MAST4: variants seen among roughly 807,000 people sequenced by gnomAD.
MAST4 encodes the protein microtubule-associated serine/threonine-protein kinase 4.
MAST4 carries 89 observed loss-of-function variants against 162.7 expected under a neutral mutation model. The ratio of observed to expected loss-of-function variants is 0.55; its 90% confidence interval spans 0.46 to 0.65. The LOEUF is 0.65. MAST4 is among the 30% of genes least tolerant of loss of function. The pLI is 0.00. For synonymous variants in MAST4, 1,479 were observed against 1,361.1 expected (o/e 1.09, Z -1.91); for missense variants, 3,153 against 3,374.0 (o/e 0.93, Z 1.62).
At chr5:66,648,358 C>A (rs1436689347) in intron 1 of MAST4, among the ~76,000 whole-genome samples, 2 of 151,996 alleles carry the variant, frequency 1.3e-5, no homozygotes, top group African/African-American at 4.8e-5. Context: ...ATCAAGTGAA[C>A]AGGATGCTCA....
chr5:66,712,015 T>G (rs968137642), intron 1 of MAST4, among the ~76,000 whole-genome samples: 1 of 152,224 alleles, frequency 6.6e-6, no homozygotes, highest in African/African-American at 2.4e-5. Context: ...TTTTTCAGAT[T>G]GCCATACCTG....
chr5:66,924,497 C>T (rs1472814119), intron 4 of MAST4, among the ~76,000 whole-genome samples: 3 of 151,950 alleles, frequency 2.0e-5, no homozygotes, highest in African/African-American at 2.4e-5. Flanking sequence ...AGGTTCACGC[C>T]GTTCTCCTGC....
chr5:67,162,690 C>T lies in MAST4; in HGVS notation c.3869C>T (p.Ser1290Phe), dbSNP rs1223792183. 4 of 1,613,930 alleles carry T rather than the reference C, an allele frequency of 2.5e-6. No individual in the cohort carries two copies. Among genetic ancestry groups the T allele is most frequent in the Non-Finnish European group, 3.4e-6 (4 of 1,179,890 alleles). Reference sequence around the variant, plus strand: ...CGAAGTTTCTCCTGCTTGAACAGATCCCTGTCATCGGGTGAGAGCCTCCCA... The same window carrying T: ...CGAAGTTTCTCCTGCTTGAACAGATTCCTGTCATCGGGTGAGAGCCTCCCA... ...TSRSFSCLNR[S>F]LSSGESLPGS... The change falls in exon 28 of 29, where the codon TCC becomes TTC. Residue 1290 changes from serine (S) to phenylalanine (F), a missense_variant. This residue lies in a region of MAST4 where 619 missense variants were observed against 744.2 expected (regional missense o/e 0.83). Transcript: ENST00000403625.
At chr5:66,793,000 G>A (rs748206227) in intron 3 of MAST4, among the ~76,000 whole-genome samples, 5 of 152,134 alleles carry the variant, frequency 3.3e-5, no homozygotes, top group South Asian at 4.1e-4. Context: ...GGCCCTCAAC[G>A]TGAGAGGTAT....
chr5:67,138,677 A>T (rs1457521466), intron 19 of MAST4, among the ~76,000 whole-genome samples: 2 of 151,940 alleles, frequency 1.3e-5, no homozygotes, highest in African/African-American at 4.8e-5. Context: ...CAAGTGATCC[A>T]CCCACCTCGG....
chr5:66,736,125 T>TA (rs918727440), intron 1 of MAST4, among the ~76,000 whole-genome samples: 1 of 152,208 alleles, frequency 6.6e-6, no homozygotes, highest in African/African-American at 2.4e-5. Context: ...TTGTTTGTTT[T>TA]AACCTTACTT....
intron 3 of MAST4, among the ~76,000 whole-genome samples, chr5:66,866,039 C>T (rs1406963252): frequency 1.4e-5 from 2 of 142,586 alleles, no homozygotes; most frequent in African/African-American, 2.6e-5. Flanking sequence ...CGCACCACCA[C>T]ACTCCAGCCT....
chr5:67,165,981 G>A lies in MAST4; in HGVS notation c.6802G>A (p.Glu2268Lys), dbSNP rs779155436. 5.6e-6 allele frequency: 9 copies of A among 1,613,444 alleles called. No individual in the cohort carries two copies. The highest frequency in any genetic ancestry group is 7.6e-6 in the Non-Finnish European group (9 of 1,179,846). ...AGCCAGCGATGGGATTGGCCAGGGAGAAGGTGGGCCCTCTGTCCCACTGCA... is the reference window on the plus strand; with the variant it reads ...AGCCAGCGATGGGATTGGCCAGGGAAAAGGTGGGCCCTCTGTCCCACTGCA... The part of the protein sequence containing the change: ...NKASDGIGQG[E>K]GGPSVPLHTD... The change falls in exon 29 of 29, where the codon GAA (glutamate) becomes AAA (lysine). Residue 2268 changes from glutamate (E) to lysine (K), a missense_variant. Around this residue, in one of 7 missense-constraint regions of MAST4, gnomAD observed 1,644 missense variants for 1,495.0 expected, o/e 1.10. Coordinates refer to ENST00000403625, the MANE Select transcript of MAST4 (RefSeq NM_001164664.2).
intron 6 of MAST4, among the ~76,000 whole-genome samples, chr5:67,090,455 C>G (rs1267541241): frequency 9.4e-6 from 1 of 105,976 alleles, no homozygotes; most frequent in African/African-American, 4.0e-5. Context: ...CGCTTCTCCC[C>G]CTCCCCGCTT....
Position 67,165,154 on chromosome 5 carries a change from C to T in MAST4, c.5975C>T (p.Thr1992Ile). 6.3e-7 allele frequency: 1 copy of T among 1,597,576 alleles called. No homozygotes were observed. Among genetic ancestry groups the T allele is most frequent in the East Asian group, 2.3e-5 (1 of 44,152 alleles). ...GAGCGCTCTGCTGCGAGGGCTGACA[C>T]ATGCAGAGAGCCCTCCATGGAACTG... ...RSERSAARAD[T>I]CREPSMELCF... The change falls in exon 29 of 29, where the codon ACA becomes ATA. Residue 1992 changes from threonine (T) to isoleucine (I), a missense_variant. Around this residue, in one of 7 missense-constraint regions of MAST4, gnomAD observed 1,644 missense variants for 1,495.0 expected, o/e 1.10. Transcript: ENST00000403625.
chr5:67,168,351 C>T lies in MAST4; in HGVS notation c.*1300C>T, dbSNP rs907656067. ...GTATGCAAAAAATACTGTCTTAATA[C>T]AGAGCAGCATTTTTGTAACAAAGAG... On this transcript the variant is annotated 3_prime_UTR_variant, in exon 29 of 29. Coordinates refer to ENST00000403625, the MANE Select transcript of MAST4 (RefSeq NM_001164664.2). The T allele has an allele frequency of 6.6e-6, 1 of 152,060 alleles. No homozygotes were observed. The highest frequency in any genetic ancestry group is 1.5e-5 in the Non-Finnish European group (1 of 68,026). The allele number at this position is 152,060 out of a possible 1,614,324, so 9.4% of individuals were successfully genotyped here.
intron 4 of MAST4, among the ~76,000 whole-genome samples, chr5:66,971,161 G>C (rs1363046882): frequency 2.0e-5 from 3 of 152,170 alleles, no homozygotes; most frequent in Non-Finnish European, 4.4e-5. Flanking sequence ...GAGCTTTCTT[G>C]CTTGGTTCCC....
At chr5:67,110,067 C>T in intron 10 of MAST4, 31 bp from the exon 11 acceptor site, 1 of 1,481,200 alleles carries the variant, frequency 6.8e-7, no homozygotes, top group Non-Finnish European at 9.4e-7. Context: ...AACAACTCTG[C>T]ATCATCACTC....
At chr5:67,021,240 C>T (rs1463046539) in intron 4 of MAST4, among the ~76,000 whole-genome samples, 1 of 152,176 alleles carries the variant, frequency 6.6e-6, no homozygotes, top group Non-Finnish European at 1.5e-5. Flanking sequence ...GAGGTATCTT[C>T]ATGGCCCCCA....
chr5:66,959,225 G>C (rs1206386058), intron 4 of MAST4: 6 of 779,542 alleles, frequency 7.7e-6, no homozygotes, highest in Admixed American at 1.7e-5. Context: ...GGTTACAATA[G>C]AGTGTGCTAA....
Position 66,916,653 on chromosome 5 carries a change from A to G in MAST4, c.674+16671A>G, listed in dbSNP as rs78703372. ...TTCTTCCATTCTTCACTTCATATGC[A>G]TACAGGTGTAGGTACATTTGCATAC... is the stretch of plus-strand genomic sequence containing the variant. On this transcript the variant is annotated intron_variant, in intron 4 of 28. Coordinates refer to ENST00000403625, the MANE Select transcript of MAST4 (RefSeq NM_001164664.2). Among the ~76,000 whole-genome samples, 298 of 152,304 alleles carry G rather than the reference A, an allele frequency of 2.0e-3. 1 individual carries two copies. The Middle Eastern group carries it at 0.024, about 12-fold the overall frequency.
At chr5:66,698,816 TCCC>T (rs1749577477) in intron 1 of MAST4, among the ~76,000 whole-genome samples, 1 of 152,164 alleles carries the variant, frequency 6.6e-6, no homozygotes, top group South Asian at 2.1e-4. Flanking sequence ...GTTCTTCACA[TCCC>T]CCACACAAGT....
intron 3 of MAST4, among the ~76,000 whole-genome samples, chr5:66,811,028 G>T (rs1481210138): frequency 1.3e-5 from 2 of 152,174 alleles, no homozygotes; most frequent in Admixed American, 1.3e-4. Context: ...GGCTTTTCAG[G>T]CAATGGCTTT....
chr5:67,005,117 G>A, intron 4 of MAST4: 1 of 732,052 alleles, frequency 1.4e-6, no homozygotes, highest in Non-Finnish European at 2.5e-6. Flanking sequence ...CCTGGAGAGG[G>A]AATGCTTTCA....
Sources: gnomAD v4.1 joint callset for allele counts (sites outside exome capture counted in the v4.1 genomes callset) on GRCh38, gnomAD v4.1.1 for gene constraint, gnomAD v4.1.1 regional missense constraint, MANE v1.5 for transcripts, NCBI Gene and HGNC (gene_info 2026-07-23, HGNC 2026-07-21) for gene names.